MAMDC2: variants seen among roughly 807,000 people sequenced by gnomAD.
The protein encoded by MAMDC2 is MAM domain containing 2, also known as MAM domain-containing protein 2.
A neutral mutation model predicts 89.8 loss-of-function variants in MAMDC2; 57 were observed. That is an observed-to-expected ratio of 0.63 (90% confidence interval 0.51 to 0.79). The LOEUF (loss-of-function observed/expected upper bound fraction) is 0.79, where lower values mean the gene tolerates loss of function less well. Among genes scored for constraint, MAMDC2 ranks in the 30% least tolerant of loss-of-function variants. MAMDC2 has a pLI of 0.00. For missense variants in MAMDC2, 800 were observed against 820.6 expected, an observed-to-expected ratio of 0.97 and a Z score of 0.31; for synonymous variants, 313 against 293.4, an observed-to-expected ratio of 1.07 and a Z score of -0.68.
At chr9:70,149,015 C>A (rs2031498263) in intron 9 of MAMDC2, among the ~76,000 whole-genome samples, 2 of 125,482 alleles carry the variant, frequency 1.6e-5, no homozygotes, top group Admixed American at 1.8e-4. Flanking sequence ...GGCAACAGAG[C>A]AAGACTCTGT....
chr9:70,051,996 T>TA (rs201607881), intron 2 of MAMDC2, among the ~76,000 whole-genome samples: 3 of 151,812 alleles, frequency 2.0e-5, no homozygotes, highest in Non-Finnish European at 2.9e-5. Flanking sequence ...TTAAAACAGG[T>TA]AAAAAAAAAT....
chr9:70,128,703 CTGGAGTGCAG>C (rs1463354530), intron 6 of MAMDC2, among the ~76,000 whole-genome samples: 2 of 152,136 alleles, frequency 1.3e-5, no homozygotes, highest in African/African-American at 4.8e-5. Context: ...GTCACCCAGG[CTGGAGTGCAG>C]TGGAGTGATC....
chr9:70,123,869 G>A (rs769902874), intron 5 of MAMDC2, among the ~76,000 whole-genome samples: 39 of 152,234 alleles, frequency 2.6e-4, no homozygotes, highest in Non-Finnish European at 3.4e-4. Flanking sequence ...CTTCCCTCAC[G>A]GCCCTGAGAA....
In MAMDC2 at chr9:70,130,774, A is replaced by AAAAACAAAAC. The variant is rs4069785; in HGVS notation, c.901-725_901-716dup. Among the ~76,000 whole-genome samples the AAAAACAAAAC allele has an allele frequency of 4.8e-4, 73 of 151,782 alleles. No homozygotes were observed. In the South Asian group the frequency reaches 0.012, roughly 25 times the overall value. ...CTCCTGAGGGATGGCAGGGAGGTAAAAAAACAAAACAAAACAAAACAAAAC... is the reference window on the plus strand; with the variant it reads ...CTCCTGAGGGATGGCAGGGAGGTAAAAAAACAAAACAAAACAAAACAAAACAAAACAAAAC... On this transcript the variant is annotated intron_variant, in intron 6 of 13. Transcript: ENST00000377182.
At chr9:70,168,541 T>C in intron 9 of MAMDC2, 161 bp from the exon 10 acceptor site, 1 of 591,024 alleles carries the variant, frequency 1.7e-6, no homozygotes, top group Non-Finnish European at 3.0e-6. Context: ...ATGCAGATGG[T>C]AACCATTCTT....
intron 2 of MAMDC2, chr9:70,081,414 CT>C (rs1827651279): frequency 6.6e-6 from 1 of 152,056 alleles, no homozygotes; most frequent in Admixed American, 6.6e-5. Context: ...GCACTGTCCT[CT>C]CCTGCCCCTT....
At chr9:70,206,620 G>A (rs1190230518) in intron 11 of MAMDC2, among the ~76,000 whole-genome samples, 1 of 151,642 alleles carries the variant, frequency 6.6e-6, no homozygotes, top group African/African-American at 2.4e-5. Context: ...TATTTTTTTT[G>A]GTATATATCT....
At chr9:70,117,726 A>G (rs895007230) in intron 5 of MAMDC2, among the ~76,000 whole-genome samples, 10 of 152,278 alleles carry the variant, frequency 6.6e-5, no homozygotes, top group Admixed American at 5.2e-4. Context: ...TAATCCTTGT[A>G]TGGGACACAA....
chr9:70,123,768 T>C (rs1412384726), intron 5 of MAMDC2, among the ~76,000 whole-genome samples: 1 of 152,008 alleles, frequency 6.6e-6, no homozygotes, highest in East Asian at 1.9e-4. Context: ...GAGAATGCCA[T>C]GTAAAGATAA....
At chr9:70,185,163 G>T (rs2032724913) in intron 11 of MAMDC2, among the ~76,000 whole-genome samples, 1 of 152,210 alleles carries the variant, frequency 6.6e-6, no homozygotes, top group Admixed American at 6.5e-5. Flanking sequence ...GCTGCAGTTT[G>T]CTGGAGATCC....
intron 3 of MAMDC2, chr9:70,109,131 C>T (rs1828430664): frequency 6.6e-6 from 1 of 152,380 alleles, no homozygotes; most frequent in Non-Finnish European, 1.5e-5. Context: ...AAAATATTCC[C>T]CATTCCTAAT....
intron 2 of MAMDC2, chr9:70,071,583 A>G (rs911596536): frequency 5.9e-5 from 9 of 152,182 alleles, no homozygotes; most frequent in Non-Finnish European, 1.3e-4. Flanking sequence ...AATATTCTAT[A>G]CATACGTGAG....
chr9:70,116,235 G>T (rs893907205), intron 5 of MAMDC2, among the ~76,000 whole-genome samples: 1 of 152,182 alleles, frequency 6.6e-6, no homozygotes, highest in Admixed American at 6.5e-5. Flanking sequence ...TGGCTGGGGA[G>T]AACATATATT....
At chr9:70,113,472 A>G (rs3015224) in intron 5 of MAMDC2, among the ~76,000 whole-genome samples, 42,063 of 152,104 alleles carry the variant, frequency 0.28, 6,064 homozygotes, top group East Asian at 0.39. Flanking sequence ...TTCTAAAGAC[A>G]AGGCTGGAAA....
At chr9:70,064,353 C>T (rs1827216411) in intron 2 of MAMDC2, among the ~76,000 whole-genome samples, 1 of 152,084 alleles carries the variant, frequency 6.6e-6, no homozygotes, top group Non-Finnish European at 1.5e-5. Flanking sequence ...TTGTATCACT[C>T]TTATGCCTGT....
intron 11 of MAMDC2, chr9:70,172,184 A>G (rs1471972059): frequency 6.6e-6 from 1 of 152,226 alleles, no homozygotes; most frequent in East Asian, 1.9e-4. Context: ...TCCAGTTCAA[A>G]TCAAAACTTC....
chr9:70,116,635 A>C (rs528453675), intron 5 of MAMDC2, among the ~76,000 whole-genome samples: 14 of 151,554 alleles, frequency 9.2e-5, no homozygotes, highest in African/African-American at 3.2e-4. Context: ...ATTCAGTGAG[A>C]TCTATTTCAA....
At chr9:70,105,695 A>T (rs1053627947) in intron 2 of MAMDC2, among the ~76,000 whole-genome samples, 2 of 152,234 alleles carry the variant, frequency 1.3e-5, no homozygotes, top group Non-Finnish European at 2.9e-5. Context: ...TATTTTAAAT[A>T]GTACATTTTA....
At chr9:70,125,677 C>T (rs2030500859) in intron 5 of MAMDC2, among the ~76,000 whole-genome samples, 1 of 152,210 alleles carries the variant, frequency 6.6e-6, no homozygotes, top group African/African-American at 2.4e-5. Flanking sequence ...TGACATCTTG[C>T]ATTAATTGTA....
Sources: allele counts gnomAD v4.1 joint callset (sites outside exome capture counted in the v4.1 genomes callset), GRCh38; gene constraint gnomAD v4.1.1; transcripts MANE v1.5; gene names NCBI Gene and HGNC (gene_info 2026-07-23, HGNC 2026-07-21).